TENM3: variants seen among roughly 807,000 people sequenced by gnomAD.
TENM3 encodes the protein teneurin-3.
Under a neutral mutation model 255.1 loss-of-function variants are expected in TENM3, and 63 were observed. The ratio of observed to expected loss-of-function variants is 0.25; its 90% confidence interval spans 0.20 to 0.30. The LOEUF (loss-of-function observed/expected upper bound fraction) is 0.30, where lower values mean the gene tolerates loss of function less well. Among genes scored for constraint, TENM3 ranks in the 10% least tolerant of loss-of-function variants. The pLI is 1.00. For missense variants in TENM3, 2,929 were observed against 3,461.1 expected (o/e 0.85, Z 3.86); for synonymous variants, 1,306 against 1,322.3 (o/e 0.99, Z 0.27).
chr4:181,591,202 A>G, the TENM3 span, among the ~76,000 whole-genome samples: 1 of 152,234 alleles, frequency 6.6e-6, no homozygotes, highest in Non-Finnish European at 1.5e-5. Context: ...CAGAATGTCT[A>G]AAATTTAAAG....
Position 182,636,135 on chromosome 4 carries a change from C to T in TENM3, c.988+7246C>T, listed in dbSNP as rs148215765. ...TGAGTTGCATTATAGTCAGAAAATG[C>T]GTTTTTGTCTGAGATGGTATGGAAG... On this transcript the variant is annotated intron_variant, in intron 5 of 27. Coordinates refer to ENST00000511685, the MANE Select transcript of TENM3 (RefSeq NM_001080477.4). Among the ~76,000 whole-genome samples the T allele has an allele frequency of 5.3e-3, 807 of 152,204 alleles. 7 individuals carry two copies. Among genetic ancestry groups the T allele is most frequent in the African/African-American group, 0.018 (767 of 41,524 alleles).
the TENM3 span, among the ~76,000 whole-genome samples, chr4:182,058,530 T>A: frequency 1.3e-5 from 2 of 151,866 alleles, no homozygotes; most frequent in African/African-American, 4.8e-5. Flanking sequence ...AGAAGAAAGC[T>A]CCTTTATCTA....
intron 2 of TENM3, among the ~76,000 whole-genome samples, chr4:182,331,183 C>T (rs1763730071): frequency 6.6e-6 from 1 of 152,134 alleles, no homozygotes; most frequent in Non-Finnish European, 1.5e-5. Context: ...CAGGAAAAAT[C>T]ATGAATAATC....
At chr4:181,576,764 TA>T in the TENM3 span, among the ~76,000 whole-genome samples, 2 of 151,086 alleles carry the variant, frequency 1.3e-5, no homozygotes, top group African/African-American at 4.9e-5. Context: ...TTATAGCAGC[TA>T]CCACTCTTTT....
the TENM3 span, among the ~76,000 whole-genome samples, chr4:181,836,271 T>A: frequency 1.8e-4 from 28 of 152,114 alleles, no homozygotes; most frequent in Admixed American, 7.9e-4. Flanking sequence ...ATATTCTTAC[T>A]GAATTATTTG....
At chr4:182,137,822 A>G in the TENM3 span, among the ~76,000 whole-genome samples, 4 of 152,250 alleles carry the variant, frequency 2.6e-5, no homozygotes, top group Non-Finnish European at 5.9e-5. Flanking sequence ...CAACATCCAT[A>G]ACTTAGTACT....
At chr4:182,103,761 T>C in the TENM3 span, among the ~76,000 whole-genome samples, 1 of 152,238 alleles carries the variant, frequency 6.6e-6, no homozygotes, top group Non-Finnish European at 1.5e-5. Context: ...GCCATTATAA[T>C]AATGGTTATA....
intron 3 of TENM3, among the ~76,000 whole-genome samples, chr4:182,546,230 C>T (rs571486595): frequency 3.3e-5 from 5 of 152,204 alleles, no homozygotes; most frequent in African/African-American, 4.8e-5. Context: ...CATGTAAGTG[C>T]GCCTGCACAG....
chr4:181,804,973 G>A, the TENM3 span, among the ~76,000 whole-genome samples: 17 of 152,010 alleles, frequency 1.1e-4, no homozygotes, highest in South Asian at 2.3e-3. Flanking sequence ...TCTCTCACCC[G>A]TCCCCTGATT....
At chr4:182,171,941 C>T (rs1326583555) in intron 1 of TENM3, among the ~76,000 whole-genome samples, 4 of 149,098 alleles carry the variant, frequency 2.7e-5, no homozygotes, top group Non-Finnish European at 3.0e-5. Context: ...TTTATTGTAC[C>T]TTATTAGGAA....
intron 11 of TENM3, among the ~76,000 whole-genome samples, chr4:182,684,475 G>A (rs1756422141): frequency 6.9e-6 from 1 of 145,816 alleles, no homozygotes; most frequent in African/African-American, 2.5e-5. Context: ...GCCATTCACT[G>A]GCAATATGAC....
chr4:181,789,128 T>G, the TENM3 span, among the ~76,000 whole-genome samples: 1 of 152,198 alleles, frequency 6.6e-6, no homozygotes, highest in Admixed American at 6.5e-5. Context: ...CATTTGGTCT[T>G]TGCCCCAGTT....
the TENM3 span, among the ~76,000 whole-genome samples, chr4:181,964,127 G>T: frequency 6.9e-6 from 1 of 145,580 alleles, no homozygotes; most frequent in African/African-American, 2.6e-5. Context: ...GGCATAAGAT[G>T]TACCTTGAAA....
chr4:182,724,725 A>G (rs1760029083), intron 13 of TENM3, among the ~76,000 whole-genome samples: 1 of 152,250 alleles, frequency 6.6e-6, no homozygotes, highest in Non-Finnish European at 1.5e-5. Flanking sequence ...CACTGGCAGC[A>G]TTATGGCGGG....
chr4:181,462,252 T>C, the TENM3 span, among the ~76,000 whole-genome samples: 1 of 152,120 alleles, frequency 6.6e-6, no homozygotes, highest in Non-Finnish European at 1.5e-5. Context: ...GTAGTTAGGG[T>C]AATTGCCTCT....
the TENM3 span, among the ~76,000 whole-genome samples, chr4:182,132,915 G>A: frequency 1.3e-5 from 2 of 152,290 alleles, no homozygotes; most frequent in Admixed American, 1.3e-4. Flanking sequence ...TCTTTAAAAT[G>A]AGGAAAATAA....
At chr4:182,655,203 T>C (rs1561062585) in intron 6 of TENM3, among the ~76,000 whole-genome samples, 1 of 152,218 alleles carries the variant, frequency 6.6e-6, no homozygotes, top group Non-Finnish European at 1.5e-5. Context: ...TTGGTTTGTA[T>C]TGACTGAAAT....
At chr4:182,177,216 C>T (rs2149720551) in intron 1 of TENM3, among the ~76,000 whole-genome samples, 1 of 152,228 alleles carries the variant, frequency 6.6e-6, no homozygotes, top group Middle Eastern at 3.4e-3. Flanking sequence ...TTACCATCTG[C>T]ATTGCCAGAT....
At chr4:182,021,166 G>A in the TENM3 span, among the ~76,000 whole-genome samples, 2 of 152,036 alleles carry the variant, frequency 1.3e-5, no homozygotes, top group Admixed American at 6.5e-5. Flanking sequence ...GCTGTATTTG[G>A]TTTTCTGTTC....
Sources: allele counts gnomAD v4.1 joint callset (sites outside exome capture counted in the v4.1 genomes callset), GRCh38; gene constraint gnomAD v4.1.1; transcripts MANE v1.5; gene names NCBI Gene and HGNC (gene_info 2026-07-23, HGNC 2026-07-21).